EQTN: variants seen among roughly 807,000 people sequenced by gnomAD.
EQTN encodes the protein Acrosome formation associated factor.
In EQTN, 29 loss-of-function variants were observed where a neutral mutation model predicts 26.9. That is an observed-to-expected ratio of 1.08 (90% confidence interval 0.80 to 1.47). The LOEUF (loss-of-function observed/expected upper bound fraction) is 1.47, where lower values mean the gene tolerates loss of function less well. EQTN is among the 40% of genes most tolerant of loss of function. The pLI is 0.00. For missense variants in EQTN, 391 were observed against 346.1 expected (o/e 1.13, Z -1.03); for synonymous variants, 129 against 120.0 (o/e 1.07, Z -0.49).
intron 6 of EQTN, among the ~76,000 whole-genome samples, chr9:27,288,338 C>T (rs1213049681): frequency 1.3e-5 from 2 of 152,062 alleles, no homozygotes; most frequent in Non-Finnish European, 2.9e-5. Context: ...AACAGGAGCT[C>T]ACATTGATTG....
intron 6 of EQTN, 82 bp downstream of exon 6, chr9:27,289,590 T>C (rs1444387277): frequency 1.2e-5 from 14 of 1,181,076 alleles, no homozygotes; most frequent in South Asian, 3.0e-5. Context: ...ACTCAAGCGA[T>C]CCACCTGCCT....
intron 2 of EQTN, among the ~76,000 whole-genome samples, chr9:27,295,824 T>A: frequency 1.3e-5 from 1 of 79,644 alleles, no homozygotes; most frequent in Non-Finnish European, 2.1e-5. Context: ...AGCGCGAGAC[T>A]CCGTCTCAAA....
At position 27,294,459 on chromosome 9, in the gene EQTN, C is replaced by A. The variant is rs989215684; in HGVS notation, c.203-57G>T. On this transcript the variant is annotated intron_variant, in intron 2 of 7. Transcript: ENST00000380032. ...AGCTAAGTCACTTTTTTTCCTTTACCTTTTTCTTCCTCTGAGTTTTTTTCT... is the reference window on the plus strand; with the variant it reads ...AGCTAAGTCACTTTTTTTCCTTTACATTTTTCTTCCTCTGAGTTTTTTTCT... 5 of 1,012,566 alleles carry A rather than the reference C, an allele frequency of 4.9e-6. No homozygotes were observed. In the Admixed American group the frequency reaches 9.7e-5, roughly 20 times the overall value. The allele number at this position is 1,012,566 out of a possible 1,614,324, so 62.7% of individuals were successfully genotyped here.
intron 6 of EQTN, among the ~76,000 whole-genome samples, chr9:27,288,665 T>C (rs918353148): frequency 3.3e-5 from 5 of 152,130 alleles, no homozygotes; most frequent in Non-Finnish European, 5.9e-5. Context: ...TACAATGGAA[T>C]ATCAGTAATA....
In EQTN at chr9:27,288,534, G is replaced by A. The variant is rs553658374; in HGVS notation, c.481+1138C>T. Among the ~76,000 whole-genome samples, 10 of 152,162 alleles carry A rather than the reference G, an allele frequency of 6.6e-5. No individual in the cohort carries two copies. In the East Asian group the frequency reaches 7.7e-4, roughly 12 times the overall value. ...TCATAGGTATTTACCAAAATGAGTC[G>A]AAAACTTATGTACACACAAAACCCT... On this transcript the variant is annotated intron_variant, in intron 6 of 7. Transcript: ENST00000380032.
chr9:27,284,889 T>C lies in EQTN; in HGVS notation c.719A>G (p.Asp240Gly). 6.2e-7 allele frequency: 1 copy of C among 1,614,160 alleles called. No individual in the cohort carries two copies. The highest frequency in any genetic ancestry group is 8.5e-7 in the Non-Finnish European group (1 of 1,180,014). Residue 240 changes from aspartate (D) to glycine (G), a missense_variant, in exon 8 of 8, where the codon GAT becomes GGT. Asp to Gly is a moderately conservative substitution (Grantham distance 94). Coordinates refer to ENST00000380032, the MANE Select transcript of EQTN (RefSeq NM_020641.3). ...CTCTGCACTCTTGGAAAAGGATGTA[T>C]CTGAAACACCTTCTGATGGATGAAA... is the stretch of plus-strand genomic sequence containing the variant. ...SYFHPSEGVS[D>G]TSFSKSAESS...
At chr9:27,290,776 C>A (rs1442076993) in intron 5 of EQTN, among the ~76,000 whole-genome samples, 1 of 152,146 alleles carries the variant, frequency 6.6e-6, no homozygotes, top group African/African-American at 2.4e-5. Flanking sequence ...AAATTTTAAC[C>A]ATAAATAAAT....
At chr9:27,290,642 A>G (rs550260910) in intron 5 of EQTN, among the ~76,000 whole-genome samples, 1 of 152,356 alleles carries the variant, frequency 6.6e-6, no homozygotes, top group East Asian at 1.9e-4. Flanking sequence ...CATATTTATG[A>G]GACACACTTT....
At chr9:27,288,531 G>C (rs943948197) in intron 6 of EQTN, among the ~76,000 whole-genome samples, 1 of 152,078 alleles carries the variant, frequency 6.6e-6, no homozygotes, top group Admixed American at 6.5e-5. Context: ...ACCAAAATGA[G>C]TCGAAAACTT....
chr9:27,285,363 T>C (rs1820099304), intron 7 of EQTN, among the ~76,000 whole-genome samples: 1 of 152,056 alleles, frequency 6.6e-6, no homozygotes, highest in Admixed American at 6.6e-5. Flanking sequence ...ATGATGGTCT[T>C]GATTTCTTGA....
At chr9:27,289,512 C>G (rs1021264039) in intron 6 of EQTN, among the ~76,000 whole-genome samples, 160 bp downstream of exon 6, 1 of 152,154 alleles carries the variant, frequency 6.6e-6, no homozygotes, top group Non-Finnish European at 1.5e-5. Flanking sequence ...CCGTGCCCAC[C>G]TAATTTTTGT....
At chr9:27,295,145 G>GA in intron 2 of EQTN, among the ~76,000 whole-genome samples, 1 of 152,274 alleles carries the variant, frequency 6.6e-6, no homozygotes, top group Non-Finnish European at 1.5e-5. Flanking sequence ...ATGTACATGG[G>GA]AAAAACTGCA....
rs10118168 is a variant in EQTN, at chr9:27,287,101, A to T, written c.482-739T>A. On this transcript the variant is annotated intron_variant, in intron 6 of 7. Coordinates refer to ENST00000380032, the MANE Select transcript of EQTN (RefSeq NM_020641.3). ...TGAATATATATCTGACTTAATAAAC[A>T]TTTAATGATGGCAACATGTTATTTC... is the stretch of plus-strand genomic sequence containing the variant. Among the ~76,000 whole-genome samples, 310 of 152,322 alleles carry T rather than the reference A, an allele frequency of 2.0e-3. 1 individual carries two copies. Among genetic ancestry groups the T allele is most frequent in the African/African-American group, 6.6e-3 (276 of 41,582 alleles).
In EQTN at chr9:27,297,062, A is replaced by G. The variant is rs756945713; in HGVS notation, c.-7T>C. 8 of 1,591,578 alleles carry G rather than the reference A, an allele frequency of 5.0e-6. No individual in the cohort carries two copies. The highest frequency in any genetic ancestry group is 6.9e-6 in the Non-Finnish European group (8 of 1,162,758). On this transcript the variant is annotated 5_prime_UTR_variant, in exon 1 of 8. Coordinates refer to ENST00000380032, the MANE Select transcript of EQTN (RefSeq NM_020641.3). ...TAAACAATATAAAATTCATTGGGAAATTGAAGTGATTTATCCAGTAATCTA... is the reference window on the plus strand; with the variant it reads ...TAAACAATATAAAATTCATTGGGAAGTTGAAGTGATTTATCCAGTAATCTA...
chr9:27,288,273 T>G (rs1394626842), intron 6 of EQTN, among the ~76,000 whole-genome samples: 1 of 152,196 alleles, frequency 6.6e-6, no homozygotes, highest in Non-Finnish European at 1.5e-5. Flanking sequence ...CCATTCAAAT[T>G]AGGAGTTTTA....
At chr9:27,291,583 G>A (rs868852930) in intron 4 of EQTN, among the ~76,000 whole-genome samples, 6 of 152,118 alleles carry the variant, frequency 3.9e-5, no homozygotes, top group South Asian at 2.1e-4. Context: ...TTTTCACAGT[G>A]GCCAGATTGT....
intron 3 of EQTN, among the ~76,000 whole-genome samples, chr9:27,292,881 A>G (rs987648013): frequency 3.9e-5 from 6 of 152,224 alleles, no homozygotes; most frequent in African/African-American, 1.2e-4. Context: ...TAACGACGCA[A>G]GAAAGGGAGG....
intron 4 of EQTN, chr9:27,292,012 C>A (rs559769272): frequency 6.6e-6 from 1 of 152,460 alleles, no homozygotes; most frequent in African/African-American, 2.4e-5. Context: ...TAATAATTGA[C>A]CCTAACCAGA....
intron 5 of EQTN, among the ~76,000 whole-genome samples, chr9:27,289,951 C>A (rs1820197939): frequency 6.6e-6 from 1 of 152,192 alleles, no homozygotes; most frequent in Non-Finnish European, 1.5e-5. Flanking sequence ...CAAGTCTGGT[C>A]ACAGCATTTT....
Sources: gnomAD v4.1 joint callset for allele counts (sites outside exome capture counted in the v4.1 genomes callset) on GRCh38, gnomAD v4.1.1 for gene constraint, MANE v1.5 for transcripts, NCBI Gene and HGNC (gene_info 2026-07-23, HGNC 2026-07-21) for gene names.